Variants in SUPT3H observed in about 807,000 individuals in gnomAD.
SUPT3H encodes the protein SPT3 homolog, SAGA and STAGA complex component, also known as transcription initiation protein SPT3 homolog.
A neutral mutation model predicts 44.3 loss-of-function variants in SUPT3H; 44 were observed. The observed-to-expected ratio is 0.99, with a 90% CI of 0.78 to 1.28. The LOEUF is 1.28. Ranked by LOEUF, SUPT3H falls within the 50% of genes most tolerant of loss-of-function variation. The pLI is 0.00. For missense variants in SUPT3H, 380 were observed against 387.1 expected (o/e 0.98, Z 0.15); for synonymous variants, 124 against 125.6 (o/e 0.99, Z 0.09).
At chr6:45,188,084 T>C (rs1327857422) in intron 2 of SUPT3H, among the ~76,000 whole-genome samples, 1 of 152,250 alleles carries the variant, frequency 6.6e-6, no homozygotes, top group Non-Finnish European at 1.5e-5. Flanking sequence ...ATTAGTCACT[T>C]TGCTGCCTTC....
chr6:44,900,010 T>A (rs187577037), intron 10 of SUPT3H, among the ~76,000 whole-genome samples: 1 of 152,250 alleles, frequency 6.6e-6, no homozygotes, highest in African/African-American at 2.4e-5. Context: ...GCACTAGTTA[T>A]GTTTCTCAAA....
At chr6:45,191,432 G>A (rs550626930) in intron 2 of SUPT3H, among the ~76,000 whole-genome samples, 52 of 152,160 alleles carry the variant, frequency 3.4e-4, no homozygotes, top group Non-Finnish European at 4.4e-5. Flanking sequence ...AGGAATAGGT[G>A]GAGCACGCGG....
intron 10 of SUPT3H, among the ~76,000 whole-genome samples, chr6:44,854,665 C>A (rs79461580): frequency 3.9e-5 from 6 of 152,092 alleles, no homozygotes; most frequent in African/African-American, 7.2e-5. Context: ...TCAGTGAGTA[C>A]GCCCTTATGA....
chr6:44,886,187 C>T (rs1278667694), intron 10 of SUPT3H, among the ~76,000 whole-genome samples: 1 of 152,162 alleles, frequency 6.6e-6, no homozygotes, highest in African/African-American at 2.4e-5. Context: ...AGTTGGAAAA[C>T]ACTCTGCAGG....
At chr6:45,002,923 G>C (rs1274349510) in intron 6 of SUPT3H, among the ~76,000 whole-genome samples, 1 of 152,072 alleles carries the variant, frequency 6.6e-6, no homozygotes, top group Non-Finnish European at 1.5e-5. Flanking sequence ...AACTGAAAGA[G>C]AAGGGGAAAA....
At chr6:45,285,240 C>T (rs1204019492) in intron 2 of SUPT3H, among the ~76,000 whole-genome samples, 2 of 151,516 alleles carry the variant, frequency 1.3e-5, no homozygotes, top group Non-Finnish European at 2.9e-5. Context: ...AAGTTCTGGC[C>T]AGGGCAATCA....
In SUPT3H at chr6:45,175,012, T is replaced by TAAA. The variant is rs57838175; in HGVS notation, c.102-69009_102-69007dup. Reference sequence around the variant, plus strand: ...GGGCAACATAGTGAGCCCTCGTCACTAAAAAAAAAAAAAAAAAAAAAAAAA... The same window carrying TAAA: ...GGGCAACATAGTGAGCCCTCGTCACTAAAAAAAAAAAAAAAAAAAAAAAAAAAA... On this transcript the variant is annotated intron_variant, in intron 2 of 10. Transcript: ENST00000371459. 4.8e-3 allele frequency among the ~76,000 whole-genome samples: 301 copies of TAAA among 62,518 alleles called. 8 individuals are homozygous for TAAA. Among genetic ancestry groups the TAAA allele is most frequent in the African/African-American group, 0.016 (260 of 15,996 alleles). 41.0% of individuals were successfully genotyped at this position (62,518 alleles called of 152,430 possible).
chr6:44,909,142 C>CAT (rs1554162591), intron 10 of SUPT3H, among the ~76,000 whole-genome samples: 2 of 146,958 alleles, frequency 1.4e-5, no homozygotes, highest in Admixed American at 6.8e-5. Context: ...TGTGTGTGTG[C>CAT]GTGTGTGTGT....
chr6:45,099,697 G>T (rs1268338054), intron 3 of SUPT3H, among the ~76,000 whole-genome samples: 1 of 152,038 alleles, frequency 6.6e-6, no homozygotes, highest in Non-Finnish European at 1.5e-5. Flanking sequence ...AGCTATACCA[G>T]TGTCAATAAA....
At chr6:45,106,546 A>AT (rs1322023408) in intron 2 of SUPT3H, among the ~76,000 whole-genome samples, 2 of 150,916 alleles carry the variant, frequency 1.3e-5, no homozygotes, top group Non-Finnish European at 2.9e-5. Context: ...TATTTTTTTT[A>AT]TTTTTTTTGA....
intron 11 of SUPT3H, among the ~76,000 whole-genome samples, chr6:44,809,943 G>T (rs767622267): frequency 4.6e-5 from 7 of 152,304 alleles, no homozygotes; most frequent in Middle Eastern, 3.4e-3. Flanking sequence ...CAAGAGTTAC[G>T]AATAGATATA....
intron 6 of SUPT3H, among the ~76,000 whole-genome samples, chr6:44,971,741 A>T (rs538473466): frequency 6.6e-6 from 1 of 152,206 alleles, no homozygotes; most frequent in South Asian, 2.1e-4. Flanking sequence ...AAAACCAATC[A>T]TGCCTTCCCA....
chr6:45,007,777 T>C (rs1315731995), intron 5 of SUPT3H, among the ~76,000 whole-genome samples: 1 of 151,232 alleles, frequency 6.6e-6, no homozygotes, highest in Admixed American at 6.6e-5. Context: ...TCAGTTGTAA[T>C]GTAATCAATG....
chr6:45,124,730 A>T (rs1441596781), intron 2 of SUPT3H, among the ~76,000 whole-genome samples: 1 of 152,104 alleles, frequency 6.6e-6, no homozygotes, highest in Non-Finnish European at 1.5e-5. Flanking sequence ...AAATAATAAT[A>T]AAAAAACTGT....
At chr6:44,885,596 C>A (rs1436889244) in intron 10 of SUPT3H, among the ~76,000 whole-genome samples, 1 of 152,088 alleles carries the variant, frequency 6.6e-6, no homozygotes, top group Non-Finnish European at 1.5e-5. Context: ...AAAGGACATC[C>A]ACAGCAAAAA....
intron 2 of SUPT3H, among the ~76,000 whole-genome samples, chr6:45,164,157 C>T (rs528194480): frequency 1.3e-5 from 2 of 152,226 alleles, no homozygotes; most frequent in East Asian, 3.9e-4. Flanking sequence ...GGGGGCAGTG[C>T]AGTGTAGTTC....
intron 3 of SUPT3H, among the ~76,000 whole-genome samples, chr6:45,099,933 A>G (rs1798313314): frequency 6.6e-6 from 1 of 152,196 alleles, no homozygotes; most frequent in Non-Finnish European, 1.5e-5. Context: ...AGGCTTAGCC[A>G]GATAGGGATT....
At chr6:45,330,514 A>G (rs372257373) in intron 2 of SUPT3H, among the ~76,000 whole-genome samples, 3 of 152,130 alleles carry the variant, frequency 2.0e-5, no homozygotes, top group East Asian at 3.9e-4. Context: ...TTTAAAAACC[A>G]GATCAGGAAC....
chr6:45,348,320 T>TA (rs1040174804), intron 2 of SUPT3H, among the ~76,000 whole-genome samples: 1 of 151,082 alleles, frequency 6.6e-6, no homozygotes, highest in Non-Finnish European at 1.5e-5. Flanking sequence ...TTCTAAATTC[T>TA]AAAAAAAAAT....
Sources: allele counts gnomAD v4.1 joint callset (sites outside exome capture counted in the v4.1 genomes callset), GRCh38; gene constraint gnomAD v4.1.1; transcripts MANE v1.5; gene names NCBI Gene and HGNC (gene_info 2026-07-23, HGNC 2026-07-21).